LMNA: variants seen among roughly 807,000 people sequenced by gnomAD.
LMNA encodes lamin.
In LMNA, 20 loss-of-function variants were observed where a neutral mutation model predicts 70.4. The ratio of observed to expected loss-of-function variants is 0.28; its 90% confidence interval spans 0.20 to 0.41. The LOEUF (loss-of-function observed/expected upper bound fraction) is 0.41. Ranked by LOEUF, LMNA falls within the 10% of genes least tolerant of loss-of-function variation. The probability of loss-of-function intolerance (pLI) is 1.00; values close to 1 mark genes in which losing one functional copy is unlikely to be tolerated. For missense variants in LMNA, 652 were observed against 917.2 expected (o/e 0.71, Z 3.73); for synonymous variants, 339 against 372.8 (o/e 0.91, Z 1.04).
At chr1:156,120,509 A>G (rs1300431413) in intron 1 of LMNA, among the ~76,000 whole-genome samples, 1 of 152,158 alleles carries the variant, frequency 6.6e-6, no homozygotes. Flanking sequence ...CAGGAGGATC[A>G]CTTGAGGCCA....
chr1:156,119,128 T>A (rs1207187889), intron 1 of LMNA, among the ~76,000 whole-genome samples: 2 of 151,698 alleles, frequency 1.3e-5, no homozygotes, highest in Non-Finnish European at 2.9e-5. Context: ...TTTTTCTTTT[T>A]TTTTTTTTGA....
chr1:156,128,946 C>T (rs1650811675), intron 1 of LMNA, among the ~76,000 whole-genome samples: 1 of 152,210 alleles, frequency 6.6e-6, no homozygotes, highest in Non-Finnish European at 1.5e-5. Flanking sequence ...GGTTTTTCTT[C>T]ATTTTCCCTC....
chr1:156,124,398 C>A (rs983342188), intron 1 of LMNA, among the ~76,000 whole-genome samples: 20 of 152,162 alleles, frequency 1.3e-4, no homozygotes, highest in Non-Finnish European at 5.9e-5. Flanking sequence ...AAGTGATTCT[C>A]CTGCCTCAGC....
At chr1:156,084,085 T>A (rs1288489849) in intron 2 of LMNA, among the ~76,000 whole-genome samples, 1 of 152,010 alleles carries the variant, frequency 6.6e-6, no homozygotes, top group East Asian at 1.9e-4. Context: ...TAATAGTGGG[T>A]GGGTGAGCCA....
intron 3 of LMNA, among the ~76,000 whole-genome samples, chr1:156,101,553 A>G (rs1649138407): frequency 6.7e-6 from 1 of 148,312 alleles, no homozygotes; most frequent in African/African-American, 2.5e-5. Flanking sequence ...AGGAGAAACA[A>G]TGGGAGCAGA....
chr1:156,099,869 A>C (rs1233139617), intron 3 of LMNA, among the ~76,000 whole-genome samples: 3 of 43,472 alleles, frequency 6.9e-5, no homozygotes, highest in African/African-American at 6.1e-4. Flanking sequence ...CTGGGTGACA[A>C]AAAAAAAAAA....
rs1266133241 is a variant in LMNA, at chr1:156,134,538, G to A, written c.639+10G>A. ...GAACATCTACAGTGAGGTGGGGACT[G>A]TGCTTTGCAAGCCAGAGGGCTGGGG... On this transcript the variant is annotated intron_variant, in intron 3 of 11. Transcript: ENST00000368300. This position sits in a 1 kb window ranked among gnomAD's most constrained non-coding sequence, Gnocchi z 5.3. The A allele has an allele frequency of 1.2e-6, 2 of 1,613,684 alleles. No homozygotes were observed. The highest frequency in any genetic ancestry group is 1.7e-6 in the Non-Finnish European group (2 of 1,180,034).
rs80356808 is a variant in LMNA, at chr1:156,134,810, G to C, written c.645G>C (p.Leu215=). ...DFQKNIYSEE[L]RETKRRHETR... is the part of the protein sequence containing the mutation. ...CCTTCCTCCAACCCTTCCAGGAGCT[G>C]CGTGAGACCAAGCGCCGTCATGAGA... The change falls in exon 4 of 12, where the codon CTG becomes CTC. Residue 215 remains leucine, a synonymous_variant. Transcript: ENST00000368300. The surrounding 1 kb of genome is among the most constrained non-coding windows in gnomAD (Gnocchi z 5.3). 4.3e-6 allele frequency: 7 copies of C among 1,614,098 alleles called. No individual in the cohort carries two copies. Among genetic ancestry groups the C allele is most frequent in the Non-Finnish European group, 5.1e-6 (6 of 1,180,050 alleles).
chr1:156,092,497 G>A (rs1648746556), intron 3 of LMNA, among the ~76,000 whole-genome samples: 1 of 151,774 alleles, frequency 6.6e-6, no homozygotes, highest in Non-Finnish European at 1.5e-5. Context: ...TGGGCAATAT[G>A]GCAAAACCCC....
chr1:156,117,956 C>A (rs1243601074), intron 1 of LMNA, among the ~76,000 whole-genome samples: 5 of 150,840 alleles, frequency 3.3e-5, no homozygotes, highest in African/African-American at 1.2e-4. Flanking sequence ...GCAGGCACCA[C>A]CACGCTTGGC....
At chr1:156,092,998 C>T (rs1005586363) in intron 3 of LMNA, among the ~76,000 whole-genome samples, 5 of 151,018 alleles carry the variant, frequency 3.3e-5, no homozygotes, top group African/African-American at 4.9e-5. Flanking sequence ...AAGCAATTCT[C>T]CTGCCTCAGC....
chr1:156,110,317 G>T (rs2102809465), upstream of LMNA, among the ~76,000 whole-genome samples: 1 of 152,224 alleles, frequency 6.6e-6, no homozygotes, highest in African/African-American at 2.4e-5. Context: ...ATAGTTCCTG[G>T]TATATAGTAG....
chr1:156,139,866 A>G lies in LMNA; in HGVS notation c.*760A>G, dbSNP rs1651965349. 2.0e-6 allele frequency: 3 copies of G among 1,482,162 alleles called. No individual in the cohort carries two copies. Among genetic ancestry groups the G allele is most frequent in the African/African-American group, 1.4e-5 (1 of 70,486 alleles). The allele number at this position is 1,482,162 out of a possible 1,614,324, so 91.8% of individuals were successfully genotyped here. A position where few individuals can be genotyped will look rare whatever the true frequency, so the allele number is the denominator to read the frequency against. ...TTTAGACCCTGGGTGGGCTCTGTGC[A>G]GTCACTGGAGGTTGAAGCCAAGTGG... On this transcript the variant is annotated 3_prime_UTR_variant, in exon 12 of 12. Transcript: ENST00000368300.
upstream of LMNA, among the ~76,000 whole-genome samples, chr1:156,113,831 A>G (rs1469654664): frequency 3.3e-5 from 5 of 152,150 alleles, no homozygotes; most frequent in South Asian, 2.1e-4. Flanking sequence ...GTTCTGGGGG[A>G]AAAAAATAAG....
chr1:156,117,102 T>A lies in LMNA; in HGVS notation c.356+1828T>A, dbSNP rs79025719. On this transcript the variant is annotated intron_variant, in intron 1 of 11. Transcript: ENST00000368300. ...CTATTTTTTTTTTTTTTTTTTTTTT[T>A]AATTTTTAGTAGAGATGGGGTTTCA... Among the ~76,000 whole-genome samples the A allele has an allele frequency of 3.4e-3, 364 of 108,342 alleles. 1 individual carries two copies. The highest frequency in any genetic ancestry group is 0.01 in the African/African-American group (307 of 29,404). The allele number at this position is 108,342 out of a possible 152,430, so 71.1% of individuals were successfully genotyped here. A position where few individuals can be genotyped will look rare whatever the true frequency, so the allele number is the denominator to read the frequency against.
Position 156,138,640 on chromosome 1 carries a change from C to T in LMNA, c.1851C>T (p.Ala617=), listed in dbSNP as rs143189394. ...VGGPISSGSS[A]SSVTVTRSYR... The stretch of plus-strand genomic sequence containing the variant: ...GACCCATCTCCTCTGGCTCTTCTGC[C>T]TCCAGTGTCACGGTCACTCGCAGCT... The change falls in exon 11 of 12, where the codon GCC becomes GCT. Residue 617 remains alanine (A), a synonymous_variant. Coordinates refer to ENST00000368300, the MANE Select transcript of LMNA (RefSeq NM_170707.4). This position sits in a 1 kb window ranked among gnomAD's most constrained non-coding sequence, Gnocchi z 5.5. 2.4e-4 allele frequency: 393 copies of T among 1,613,546 alleles called. No homozygotes were observed. In the African/African-American group the frequency reaches 4.9e-3, roughly 20 times the overall value.
chr1:156,126,197 C>T (rs1294431519), intron 1 of LMNA: 1 of 1,527,210 alleles, frequency 6.5e-7, no homozygotes, highest in South Asian at 1.2e-5. Context: ...CTGTGTGCTG[C>T]CTGGCAATGG....
chr1:156,126,085 AC>A, intron 1 of LMNA: 1 of 983,256 alleles, frequency 1.0e-6, no homozygotes, highest in South Asian at 2.3e-5. Flanking sequence ...AGCATTTGCC[AC>A]CAGGCGGACT....
In LMNA at chr1:156,103,471, T is replaced by C. The variant is rs1433156533; in HGVS notation, c.-206-11242T>C. Among the ~76,000 whole-genome samples the C allele has an allele frequency of 6.6e-6, 1 of 152,054 alleles. No homozygotes were observed. The highest frequency in any genetic ancestry group is 1.5e-5 in the Non-Finnish European group (1 of 68,010). ...AGGGTGCCAGGATCCCCATTTTGCA[T>C]ACAGTAGCTGAGGCTCAGCCAGGAA... On this transcript the variant is annotated intron_variant, in intron 3 of 12. Coordinates refer to the LMNA transcript ENST00000368301. This position sits in a 1 kb window ranked among gnomAD's most constrained non-coding sequence, Gnocchi z 4.7.
Sources: gnomAD v4.1 joint callset for allele counts (sites outside exome capture counted in the v4.1 genomes callset) on GRCh38, gnomAD v4.1.1 for gene constraint, Gnocchi (gnomAD v3.1) non-coding constraint, MANE v1.5 for transcripts, NCBI Gene and HGNC (gene_info 2026-07-23, HGNC 2026-07-21) for gene names.